The following ZNF487 variants were observed in gnomAD, a reference collection of about 807,000 sequenced individuals.
ZNF487 encodes KRAB domain only 1.
A neutral mutation model predicts 3.0 loss-of-function variants in ZNF487; 4 were observed. That is an observed-to-expected ratio of 1.35 (90% CI 0.66 to 3.08). ZNF487 has a LOEUF of 3.08. ZNF487 is among the 30% of genes most tolerant of loss of function. The pLI is 0.01. For synonymous variants in ZNF487, 55 were observed against 34.6 expected, an observed-to-expected ratio of 1.59 and a Z score of -2.06; for missense variants, 146 against 98.7, an observed-to-expected ratio of 1.48 and a Z score of -2.03.
intron 1 of ZNF487, among the ~76,000 whole-genome samples, chr10:43,472,349 C>A (rs538696981): frequency 3.5e-4 from 54 of 152,260 alleles, no homozygotes; most frequent in African/African-American, 1.3e-3. Context: ...TGATAGCAGA[C>A]CCCTTGGAAT....
At chr10:43,500,915 T>A in the ZNF487 span, among the ~76,000 whole-genome samples, 2 of 152,200 alleles carry the variant, frequency 1.3e-5, no homozygotes, top group Non-Finnish European at 2.9e-5. Flanking sequence ...ATTGTCACGC[T>A]CTCTAAATTT....
At chr10:43,496,193 A>G in the ZNF487 span, 2 of 448,136 alleles carry the variant, frequency 4.5e-6, no homozygotes, top group South Asian at 3.2e-5. Context: ...CTTTTTTAGC[A>G]GTTGATATAC....
chr10:43,491,890 C>T, the ZNF487 span, among the ~76,000 whole-genome samples: 1 of 151,772 alleles, frequency 6.6e-6, no homozygotes, highest in Non-Finnish European at 1.5e-5. Flanking sequence ...GAGCAAGAGA[C>T]AGAAGAAATT....
At chr10:43,440,378 C>T (rs1036282624) in intron 1 of ZNF487, among the ~76,000 whole-genome samples, 8 of 151,266 alleles carry the variant, frequency 5.3e-5, no homozygotes, top group South Asian at 2.1e-4. Context: ...AGTTTAAGGA[C>T]GGGCACAGTG....
chr10:43,498,530 G>A, the ZNF487 span, among the ~76,000 whole-genome samples: 2 of 150,914 alleles, frequency 1.3e-5, no homozygotes, highest in Non-Finnish European at 1.5e-5. Flanking sequence ...TGCCCACCTC[G>A]GCCTCCCAAA....
the ZNF487 span, among the ~76,000 whole-genome samples, chr10:43,522,794 A>G: frequency 6.6e-6 from 1 of 151,642 alleles, no homozygotes; most frequent in East Asian, 1.9e-4. Flanking sequence ...TTGGAAACAT[A>G]TGTATTAGTG....
intron 1 of ZNF487, among the ~76,000 whole-genome samples, chr10:43,466,869 A>G (rs1017622033): frequency 9.9e-5 from 15 of 152,050 alleles, no homozygotes; most frequent in African/African-American, 3.4e-4. Context: ...CCCATGGATC[A>G]AGGAGTAATT....
At chr10:43,486,942 G>T (rs11238558), downstream of ZNF487, among the ~76,000 whole-genome samples, 10,868 of 152,184 alleles carry the variant, frequency 0.071, 541 homozygotes, top group East Asian at 0.2. Context: ...TATTTATTCT[G>T]TGTCAGATGG....
chr10:43,461,413 G>A (rs1172462576), intron 1 of ZNF487, among the ~76,000 whole-genome samples: 1 of 151,884 alleles, frequency 6.6e-6, no homozygotes, highest in Non-Finnish European at 1.5e-5. Flanking sequence ...TTGAACTCCT[G>A]GGCTCAAGCA....
At chr10:43,471,012 C>T (rs575759974) in intron 1 of ZNF487, among the ~76,000 whole-genome samples, 6 of 152,066 alleles carry the variant, frequency 3.9e-5, no homozygotes, top group South Asian at 2.1e-4. Flanking sequence ...TTTGTAGAGA[C>T]GGGGTTTCAC....
At chr10:43,500,747 G>A in the ZNF487 span, among the ~76,000 whole-genome samples, 1 of 151,666 alleles carries the variant, frequency 6.6e-6, no homozygotes. Context: ...GGACTCAAGC[G>A]ATTCTCTCAC....
chr10:43,493,661 C>A, the ZNF487 span, among the ~76,000 whole-genome samples: 1 of 131,468 alleles, frequency 7.6e-6, no homozygotes, highest in Non-Finnish European at 1.5e-5. Flanking sequence ...ACTGGACAGC[C>A]TGGGAGACAG....
At chr10:43,464,944 G>A (rs888470396) in intron 1 of ZNF487, among the ~76,000 whole-genome samples, 7 of 151,922 alleles carry the variant, frequency 4.6e-5, no homozygotes, top group Non-Finnish European at 8.8e-5. Flanking sequence ...CAGTAGGGGC[G>A]GCCGGGCAGA....
chr10:43,449,824 C>A (rs1321419310), intron 1 of ZNF487, among the ~76,000 whole-genome samples: 2 of 151,690 alleles, frequency 1.3e-5, no homozygotes, highest in Non-Finnish European at 2.9e-5. Context: ...GAATTACAGG[C>A]ACCCACCACC....
the ZNF487 span, among the ~76,000 whole-genome samples, chr10:43,521,701 A>G: frequency 6.6e-6 from 1 of 152,222 alleles, no homozygotes; most frequent in African/African-American, 2.4e-5. Flanking sequence ...CACAAAATCC[A>G]TGAATAATGA....
the ZNF487 span, among the ~76,000 whole-genome samples, chr10:43,494,126 G>A: frequency 6.6e-6 from 1 of 151,958 alleles, no homozygotes; most frequent in African/African-American, 2.4e-5. Context: ...TCCATGTCTT[G>A]TGATTTGTAG....
At chr10:43,467,643 C>G (rs1320277361) in intron 1 of ZNF487, among the ~76,000 whole-genome samples, 1 of 151,590 alleles carries the variant, frequency 6.6e-6, no homozygotes, top group Non-Finnish European at 1.5e-5. Context: ...ATGGTGAAAC[C>G]TTGTCTCTAC....
chr10:43,505,530 G>A, the ZNF487 span, among the ~76,000 whole-genome samples: 6 of 151,960 alleles, frequency 3.9e-5, no homozygotes, highest in Non-Finnish European at 8.8e-5. Flanking sequence ...TGATCTGCCC[G>A]CTTTGGCCTC....
chr10:43,496,013 C>G, the ZNF487 span: 1 of 532,392 alleles, frequency 1.9e-6, no homozygotes, highest in Non-Finnish European at 3.9e-6. Flanking sequence ...TGTACTTTTT[C>G]AGGGATCAGT....
Sources: gnomAD v4.1 joint callset for allele counts (sites outside exome capture counted in the v4.1 genomes callset) on GRCh38, gnomAD v4.1.1 for gene constraint, MANE v1.5 for transcripts, NCBI Gene and HGNC (gene_info 2026-07-23, HGNC 2026-07-21) for gene names.